The following PCSK5 variants were observed in gnomAD, a reference collection of about 807,000 sequenced individuals.
PCSK5 encodes the protein proprotein convertase subtilisin/kexin type 5, also known as prohormone convertase 5.
PCSK5 carries 129 observed loss-of-function variants against 233.2 expected under a neutral mutation model. The ratio of observed to expected loss-of-function variants is 0.55; its 90% CI spans 0.48 to 0.64. The LOEUF is 0.64. Ranked by LOEUF, PCSK5 falls within the 30% of genes least tolerant of loss-of-function variation. The pLI, the probability that PCSK5 is intolerant of heterozygous loss-of-function variation, is 0.00. For missense variants in PCSK5, 2,076 were observed against 2,430.1 expected, an observed-to-expected ratio of 0.85 and a Z score of 3.06; for synonymous variants, 825 against 879.2, an observed-to-expected ratio of 0.94 and a Z score of 1.09.
chr9:76,092,207 G>A (rs745734461), intron 7 of PCSK5, among the ~76,000 whole-genome samples: 52 of 152,134 alleles, frequency 3.4e-4, no homozygotes, highest in Non-Finnish European at 8.8e-5. Context: ...GCCAAGTCTG[G>A]AAAGGACTTT....
At chr9:75,899,144 A>C (rs1474373812) in intron 1 of PCSK5, among the ~76,000 whole-genome samples, 1 of 152,124 alleles carries the variant, frequency 6.6e-6, no homozygotes, top group African/African-American at 2.4e-5. Context: ...GAGGAGGGAG[A>C]ATGTGAAGAT....
chr9:75,906,499 A>G (rs938202525), intron 1 of PCSK5, among the ~76,000 whole-genome samples: 5 of 152,192 alleles, frequency 3.3e-5, no homozygotes, highest in Non-Finnish European at 5.9e-5. Context: ...TGCTGGGATT[A>G]CAGGCGTGAG....
chr9:76,216,222 G>A (rs1825525241), intron 20 of PCSK5, among the ~76,000 whole-genome samples: 1 of 152,152 alleles, frequency 6.6e-6, no homozygotes, highest in African/African-American at 2.4e-5. Flanking sequence ...AATGCCACTG[G>A]TGGAACCCGG....
chr9:76,297,845 G>A (rs1209723208), intron 27 of PCSK5, among the ~76,000 whole-genome samples: 1 of 152,114 alleles, frequency 6.6e-6, no homozygotes, highest in Non-Finnish European at 1.5e-5. Context: ...CTGGAGAGGA[G>A]GCACGTCCAT....
intron 3 of PCSK5, among the ~76,000 whole-genome samples, chr9:76,013,469 C>T (rs376796459): frequency 4.6e-5 from 7 of 152,114 alleles, no homozygotes; most frequent in African/African-American, 7.2e-5. Context: ...GAAGCTGAAG[C>T]GGCTTTTACT....
At chr9:76,047,047 A>G (rs1001829131) in intron 5 of PCSK5, among the ~76,000 whole-genome samples, 1 of 152,166 alleles carries the variant, frequency 6.6e-6, no homozygotes, top group Non-Finnish European at 1.5e-5. Flanking sequence ...AAAACAGGTA[A>G]TATGTCAACC....
chr9:76,214,253 G>A (rs116603435), intron 20 of PCSK5, among the ~76,000 whole-genome samples: 1,925 of 151,996 alleles, frequency 0.013, 34 homozygotes, highest in African/African-American at 0.044. Context: ...ACATGATTGA[G>A]GAGTCTAGGA....
intron 21 of PCSK5, among the ~76,000 whole-genome samples, chr9:76,230,987 C>A (rs538811644): frequency 6.6e-6 from 1 of 152,072 alleles, no homozygotes; most frequent in East Asian, 1.9e-4. Flanking sequence ...CCTCTGCCCC[C>A]CATTTGTAGA....
In PCSK5 at chr9:76,296,739, C is replaced by T. The variant is rs558004911; in HGVS notation, c.3397C>T (p.Arg1133Ter). The T allele has an allele frequency of 1.4e-5, 22 of 1,612,072 alleles. No homozygotes were observed. The highest frequency in any genetic ancestry group is 2.2e-5 in the East Asian group (1 of 44,878). ...AATGGGAGAATGTGAGTCCTGCCAC[C>T]GAGCATGCGAAACCTGCACAGGCCC... is the stretch of plus-strand genomic sequence containing the variant. ...QEMGECESCH[R>*]ACETCTGPGH... The change falls in exon 27 of 38, where the codon CGA becomes TGA. Residue 1133 changes from arginine (R) to a stop codon, truncating the protein, a stop_gained. Coordinates refer to ENST00000674117, the MANE Select transcript of PCSK5 (RefSeq NM_001372043.1). LOFTEE classifies it high-confidence loss of function.
intron 24 of PCSK5, among the ~76,000 whole-genome samples, chr9:76,251,558 C>T (rs1360001846): frequency 2.1e-4 from 26 of 124,014 alleles, no homozygotes; most frequent in Non-Finnish European, 1.0e-4. Flanking sequence ...AGCGAGACTC[C>T]GTCTCAAAAA....
At chr9:76,155,507 A>T (rs552241780) in intron 10 of PCSK5, among the ~76,000 whole-genome samples, 3 of 152,174 alleles carry the variant, frequency 2.0e-5, no homozygotes, top group Non-Finnish European at 4.4e-5. Context: ...GTAAAAAGAC[A>T]TATGCTGACA....
chr9:76,001,023 G>GT (rs1358374122), intron 3 of PCSK5, among the ~76,000 whole-genome samples: 1 of 151,706 alleles, frequency 6.6e-6, no homozygotes, highest in Non-Finnish European at 1.5e-5. Context: ...GTTGAGCAAT[G>GT]TTTTTTACAT....
chr9:75,899,587 A>G (rs1825942212), intron 1 of PCSK5, among the ~76,000 whole-genome samples: 1 of 152,156 alleles, frequency 6.6e-6, no homozygotes, highest in African/African-American at 2.4e-5. Context: ...TATGTAATCA[A>G]CATTTTCTCC....
Position 76,332,585 on chromosome 9 carries a change from G to A in PCSK5, c.4723G>A (p.Glu1575Lys), listed in dbSNP as rs201074605. 8,983 of 1,601,202 alleles carry A rather than the reference G, an allele frequency of 5.6e-3. 33 individuals carry two copies. Among genetic ancestry groups the A allele is most frequent in the Non-Finnish European group, 6.8e-3 (7,988 of 1,173,646 alleles). Reference sequence around the variant, plus strand: ...ACCGGGCTGGTTCCAGCTAGGAAAAGAGTGCCTGCTCCAGTGCAGGGAAGG... The same window carrying A: ...ACCGGGCTGGTTCCAGCTAGGAAAAAAGTGCCTGCTCCAGTGCAGGGAAGG... ...CRPGWFQLGK[E>K]CLLQCREGYY... Residue 1575 changes from glutamate to lysine, a missense_variant, in exon 34 of 38, where the codon GAG (glutamate) becomes AAG (lysine). Physicochemically the swap from Glu to Lys is moderately conservative, Grantham distance 56. Transcript: ENST00000674117.
intron 23 of PCSK5, among the ~76,000 whole-genome samples, chr9:76,239,700 A>C (rs929275530): frequency 1.6e-5 from 2 of 128,368 alleles, no homozygotes; most frequent in South Asian, 2.3e-4. Context: ...CATCTCAAAA[A>C]AAAAAAAAAA....
intron 31 of PCSK5, 28 bp downstream of exon 31, chr9:76,321,667 A>C: frequency 1.3e-6 from 2 of 1,485,514 alleles, no homozygotes; most frequent in Non-Finnish European, 1.9e-6. Context: ...ACAGGAGAGC[A>C]AGGCTCTGCT....
Position 76,362,779 on chromosome 9 carries a change from G to T in PCSK5, c.*3857G>T, listed in dbSNP as rs924478371. On this transcript the variant is annotated 3_prime_UTR_variant, in exon 38 of 38. Coordinates refer to ENST00000674117, the MANE Select transcript of PCSK5 (RefSeq NM_001372043.1). Reference sequence around the variant, plus strand: ...ATTGTAAAAATCCCTGTCCTGTGCTGTTTCGTTCTGATTACTGGTGCATGC... The same window carrying T: ...ATTGTAAAAATCCCTGTCCTGTGCTTTTTCGTTCTGATTACTGGTGCATGC... Among the ~76,000 whole-genome samples, 1 of 152,178 alleles carries T rather than the reference G, an allele frequency of 6.6e-6. No homozygotes were observed. Among genetic ancestry groups the T allele is most frequent in the East Asian group, 1.9e-4 (1 of 5,182 alleles).
intron 35 of PCSK5, among the ~76,000 whole-genome samples, chr9:76,346,780 T>C (rs72745119): frequency 0.1 from 15,793 of 152,170 alleles, 875 homozygotes; most frequent in East Asian, 0.2. Context: ...TTTTAAGTCA[T>C]TAGCTCTCAT....
chr9:76,160,769 CT>C lies in PCSK5; in HGVS notation c.1619+1610del, dbSNP rs57054216. ...CAACTAGGAGTACAGAATCTGATAT[CT>C]TTTTTTTTTTTCTTTTTTGAGATGG... is the stretch of plus-strand genomic sequence containing the variant. On this transcript the variant is annotated intron_variant, in intron 12 of 37. Coordinates refer to ENST00000674117, the MANE Select transcript of PCSK5 (RefSeq NM_001372043.1). Among the ~76,000 whole-genome samples the C allele has an allele frequency of 4.5e-3, 663 of 148,384 alleles. 5 individuals are homozygous for C. The highest frequency in any genetic ancestry group is 0.014 in the African/African-American group (576 of 40,502).
Sources: gnomAD v4.1 joint callset for allele counts (sites outside exome capture counted in the v4.1 genomes callset) on GRCh38, gnomAD v4.1.1 for gene constraint, MANE v1.5 for transcripts, NCBI Gene and HGNC (gene_info 2026-07-23, HGNC 2026-07-21) for gene names.